OTOF: variants seen among roughly 807,000 people sequenced by gnomAD.
OTOF encodes the protein otoferlin, also known as fer-1-like family member 2.
OTOF carries 218 observed loss-of-function variants against 236.8 expected under a neutral mutation model. The observed-to-expected ratio is 0.92, with a 90% CI of 0.82 to 1.03. The LOEUF is 1.03. OTOF is among the 50% of genes least tolerant of loss of function. The pLI, the probability that OTOF is intolerant of heterozygous loss-of-function variation, is 0.00. For synonymous variants in OTOF, 1,041 were observed against 1,072.5 expected (o/e 0.97, Z 0.57); for missense variants, 2,590 against 2,694.4 (o/e 0.96, Z 0.86).
At chr2:26,503,661 C>T (rs1350258727) in intron 6 of OTOF, 111 bp downstream of exon 6, 4 of 937,782 alleles carry the variant, frequency 4.3e-6, no homozygotes, top group Non-Finnish European at 7.0e-6. Flanking sequence ...GGGCCTGGCC[C>T]TGGGACGACC....
At position 26,460,720 on chromosome 2, in the gene OTOF, G is replaced by A. The variant is rs972223120; in HGVS notation, c.5740C>T (p.Leu1914=). 7 of 1,614,040 alleles carry A rather than the reference G, an allele frequency of 4.3e-6. No individual in the cohort carries two copies. Among genetic ancestry groups the A allele is most frequent in the Non-Finnish European group, 5.1e-6 (6 of 1,179,966 alleles). The part of the protein sequence containing the change: ...TGKVEAELHL[L]TAEEAEKNPV... ...TTCTTCTCTGCCTCCTCTGCTGTCAGTAAATGCAGCTCAGCCTCCACCTTG... is the reference window on the plus strand; with the variant it reads ...TTCTTCTCTGCCTCCTCTGCTGTCAATAAATGCAGCTCAGCCTCCACCTTG... The change falls in exon 45 of 47, where the codon CTG becomes TTG. Residue 1914 remains leucine (L), a synonymous_variant. Transcript: ENST00000272371. This position sits in a 1 kb window ranked among gnomAD's most constrained non-coding sequence, Gnocchi z 5.3.
At chr2:26,491,143 G>A (rs1665831815) in intron 9 of OTOF, among the ~76,000 whole-genome samples, 1 of 152,208 alleles carries the variant, frequency 6.6e-6, no homozygotes, top group Non-Finnish European at 1.5e-5. Flanking sequence ...AAGCAGGAGA[G>A]TGGCGTGAGG....
chr2:26,492,707 T>A (rs1220582866), intron 9 of OTOF, among the ~76,000 whole-genome samples: 1 of 152,148 alleles, frequency 6.6e-6, no homozygotes, highest in Non-Finnish European at 1.5e-5. Flanking sequence ...GGCAGGAGAC[T>A]GGGAGCCTCC....
chr2:26,457,410 A>G lies in OTOF; in HGVS notation c.*828T>C, dbSNP rs1324976143. The G allele has an allele frequency of 6.6e-6, 1 of 152,586 alleles. No individual in the cohort carries two copies. Among genetic ancestry groups the G allele is most frequent in the African/African-American group, 2.4e-5 (1 of 41,418 alleles). 9.5% of individuals were successfully genotyped at this position (152,586 alleles called of 1,614,324 possible). On this transcript the variant is annotated 3_prime_UTR_variant, in exon 47 of 47. Coordinates refer to ENST00000272371, the MANE Select transcript of OTOF (RefSeq NM_194248.3). The surrounding 1 kb of genome is among the most constrained non-coding windows in gnomAD (Gnocchi z 4.4). The stretch of plus-strand genomic sequence containing the variant: ...CCTCTGCTGCTTCTCACAGCTCCTC[A>G]GCTGGGCCTGGAGGCGCTGGCTGGG...
intron 36 of OTOF, 34 bp from the exon 37 acceptor site, chr2:26,466,110 C>G: frequency 6.2e-7 from 1 of 1,613,462 alleles, no homozygotes; most frequent in Non-Finnish European, 8.5e-7. Flanking sequence ...TGAGCAGGCT[C>G]CCATGCCCTG....
In OTOF at chr2:26,503,755, C is replaced by G. The variant is rs367937378; in HGVS notation, c.583+17G>C. 18 of 1,610,764 alleles carry G rather than the reference C, an allele frequency of 1.1e-5. No individual in the cohort carries two copies. The highest frequency in any genetic ancestry group is 1.3e-5 in the Non-Finnish European group (15 of 1,177,216). ...GCGAGGCGCGGGGCTGCGGGGCTCA[C>G]GCGGCACCTGTCCTACCTGGTCTTT... is the stretch of plus-strand genomic sequence containing the variant. On this transcript the variant is annotated intron_variant, in intron 6 of 46. Transcript: ENST00000272371.
At chr2:26,472,294 G>T in intron 30 of OTOF, 1 of 598,046 alleles carries the variant, frequency 1.7e-6, no homozygotes, top group Non-Finnish European at 3.1e-6. Flanking sequence ...CCACACACAT[G>T]CGCACACACA....
intron 1 of OTOF, among the ~76,000 whole-genome samples, chr2:26,539,042 A>T (rs1174122163): frequency 6.6e-6 from 1 of 151,968 alleles, no homozygotes. Flanking sequence ...GGAACTCTTG[A>T]CCTCAAATGA....
intron 3 of OTOF, among the ~76,000 whole-genome samples, chr2:26,521,018 G>A (rs923196167): frequency 1.3e-5 from 2 of 152,112 alleles, no homozygotes; most frequent in Admixed American, 6.5e-5. Flanking sequence ...AAATACTCCC[G>A]CCATGGCCAA....
intron 1 of OTOF, among the ~76,000 whole-genome samples, chr2:26,555,152 C>G (rs1667555807): frequency 6.6e-6 from 1 of 152,230 alleles, no homozygotes; most frequent in South Asian, 2.1e-4. Flanking sequence ...ATACCTGAAG[C>G]TAATACTTCC....
intron 3 of OTOF, among the ~76,000 whole-genome samples, chr2:26,524,831 C>T (rs898809038): frequency 4.6e-5 from 7 of 152,240 alleles, no homozygotes; most frequent in Non-Finnish European, 8.8e-5. Flanking sequence ...TCAGGTTCCC[C>T]TCTGAGACTT....
chr2:26,527,959 A>C, intron 2 of OTOF, 39 bp from the exon 3 acceptor site: 2 of 1,448,454 alleles, frequency 1.4e-6, no homozygotes, highest in Non-Finnish European at 1.9e-6. Context: ...GGTGGCAATA[A>C]CAGGTAGGAG....
In OTOF at chr2:26,474,522, C is replaced by T. The variant is rs768780126; in HGVS notation, c.3279G>A (p.Glu1093=). The T allele has an allele frequency of 6.2e-6, 10 of 1,607,244 alleles. No individual in the cohort carries two copies. The African/African-American group carries it at 1.2e-4, about 19-fold the overall frequency. Residue 1093 remains glutamate (E), a synonymous_variant, in exon 26 of 47, where the codon GAG becomes GAA. Transcript: ENST00000272371. ...ATAGDLLAAF[E]LLQIGPAGKA... ...TTCCCTGCAGTCCCACCTGCAGCAG[C>T]TCGAAGGCCGCCAGCAGGTCTCCAG...
In OTOF at chr2:26,475,913, C is replaced by T. The variant is rs80356594; in HGVS notation, c.2991+1G>A. ...GCCACTCCCTCCTCCCAGGCCCTCA[C>T]CTCTGTGCACTGACTCTGATTGATG... is the stretch of plus-strand genomic sequence containing the variant. On this transcript the variant is annotated splice_donor_variant, in intron 24 of 46. Coordinates refer to ENST00000272371, the MANE Select transcript of OTOF (RefSeq NM_194248.3). LOFTEE classifies it high-confidence loss of function. 8 of 1,604,456 alleles carry T rather than the reference C, an allele frequency of 5.0e-6. No individual in the cohort carries two copies. The highest frequency in any genetic ancestry group is 6.8e-6 in the Non-Finnish European group (8 of 1,175,884).
chr2:26,509,124 T>G (rs1211516209), intron 5 of OTOF, among the ~76,000 whole-genome samples: 1 of 152,182 alleles, frequency 6.6e-6, no homozygotes, highest in Non-Finnish European at 1.5e-5. Context: ...TGGGACAGAC[T>G]GGGAAGCTGG....
chr2:26,462,296 G>A lies in OTOF; in HGVS notation c.5193-115C>T. 1 of 902,678 alleles carries A rather than the reference G, an allele frequency of 1.1e-6. No individual in the cohort carries two copies. Among genetic ancestry groups the A allele is most frequent in the Non-Finnish European group, 1.8e-6 (1 of 543,538 alleles). 55.9% of individuals were successfully genotyped at this position (902,678 alleles called of 1,614,324 possible). ...CCTGGGGTCTTGGGGTCAGCACAGGGCCTGGGCCAGGCTGGGGCTGGAGGA... is the reference window on the plus strand; with the variant it reads ...CCTGGGGTCTTGGGGTCAGCACAGGACCTGGGCCAGGCTGGGGCTGGAGGA... On this transcript the variant is annotated intron_variant, in intron 41 of 46. Transcript: ENST00000272371. The surrounding 1 kb of genome is among the most constrained non-coding windows in gnomAD (Gnocchi z 4.7).
intron 36 of OTOF, 90 bp from the exon 37 acceptor site, chr2:26,466,166 G>C: frequency 6.5e-7 from 1 of 1,532,220 alleles, no homozygotes; most frequent in Non-Finnish European, 9.0e-7. Context: ...TCCTATGACA[G>C]TGAAGGGCAG....
chr2:26,536,475 G>T (rs930929364), intron 2 of OTOF, among the ~76,000 whole-genome samples: 1 of 152,184 alleles, frequency 6.6e-6, no homozygotes, highest in African/African-American at 2.4e-5. Flanking sequence ...AGGGTGTGGT[G>T]CTGGGCCGCG....
At chr2:26,550,337 G>C (rs1667429534) in intron 1 of OTOF, among the ~76,000 whole-genome samples, 1 of 151,990 alleles carries the variant, frequency 6.6e-6, no homozygotes, top group South Asian at 2.1e-4. Context: ...ATCACTGTCT[G>C]GTGCTGCCTG....
Sources: gnomAD v4.1 joint callset for allele counts (sites outside exome capture counted in the v4.1 genomes callset) on GRCh38, gnomAD v4.1.1 for gene constraint, Gnocchi (gnomAD v3.1) non-coding constraint, MANE v1.5 for transcripts, NCBI Gene and HGNC (gene_info 2026-07-23, HGNC 2026-07-21) for gene names.